Variants in VIT observed in about 807,000 individuals in gnomAD.
VIT encodes vitrin.
A neutral mutation model predicts 78.0 loss-of-function variants in VIT; 99 were observed. The observed-to-expected ratio is 1.27, with a 90% CI of 1.08 to 1.50. The LOEUF (loss-of-function observed/expected upper bound fraction) is 1.50, where lower values mean the gene tolerates loss of function less well. VIT is among the 40% of genes most tolerant of loss of function. VIT has a pLI of 0.00. For missense variants in VIT, 1,126 were observed against 875.3 expected (o/e 1.29, Z -3.61); for synonymous variants, 374 against 334.3 (o/e 1.12, Z -1.29).
In VIT at chr2:36,814,452, A is replaced by T; in HGVS notation, c.*91A>T. On this transcript the variant is annotated 3_prime_UTR_variant, in exon 16 of 16. Transcript: ENST00000379242. ...CTTAATGGGGCACGCACGGTGCATCAAGTCTTGGGCAGGGCATGGAGAAAC... is the reference window on the plus strand; with the variant it reads ...CTTAATGGGGCACGCACGGTGCATCTAGTCTTGGGCAGGGCATGGAGAAAC... The T allele has an allele frequency of 6.8e-7, 1 of 1,467,496 alleles. No homozygotes were observed. The highest frequency in any genetic ancestry group is 1.3e-5 in the South Asian group (1 of 76,212). The allele number at this position is 1,467,496 out of a possible 1,614,324, so 90.9% of individuals were successfully genotyped here. A position where few individuals can be genotyped will look rare whatever the true frequency, so the allele number is the denominator to read the frequency against.
chr2:36,808,966 C>T lies in VIT; in HGVS notation c.1884C>T (p.Ala628=). The part of the protein sequence containing the change: ...GRSYDDVRIP[A]MAAHLKGVIT... ...CCTACGACGACGTCCGGATCCCAGC[C>T]ATGGCTGCCCATCTGAAGGGTAAGC... Residue 628 remains alanine (A), a synonymous_variant, in exon 15 of 16, where the codon GCC becomes GCT. Transcript: ENST00000379242. The T allele has an allele frequency of 6.3e-7, 1 of 1,589,894 alleles. No individual in the cohort carries two copies. The highest frequency in any genetic ancestry group is 2.2e-5 in the East Asian group (1 of 44,584).
At chr2:36,750,119 A>G (rs537913388) in intron 4 of VIT, among the ~76,000 whole-genome samples, 1 of 152,388 alleles carries the variant, frequency 6.6e-6, no homozygotes, top group African/African-American at 2.4e-5. Context: ...CCATAACTCC[A>G]GACTACGGAA....
At chr2:36,801,482 T>C (rs1170142628) in intron 13 of VIT, 78 bp downstream of exon 13, 24 of 1,262,456 alleles carry the variant, frequency 1.9e-5, no homozygotes, top group Non-Finnish European at 2.7e-5. Context: ...AACCATTCTA[T>C]ATAAAAGGAA....
At chr2:36,791,381 C>T (rs188248261) in intron 12 of VIT, among the ~76,000 whole-genome samples, 166 of 152,218 alleles carry the variant, frequency 1.1e-3, no homozygotes, top group African/African-American at 3.8e-3. Flanking sequence ...AGCAAAATGC[C>T]GTGTCTGGTA....
chr2:36,758,102 T>C (rs981808144), intron 5 of VIT, among the ~76,000 whole-genome samples: 1 of 152,234 alleles, frequency 6.6e-6, no homozygotes, highest in Admixed American at 6.5e-5. Flanking sequence ...CTTTCATTAC[T>C]AGATGTAATA....
At position 36,801,309 on chromosome 2, in the gene VIT, C is replaced by G. The variant is rs1468197636; in HGVS notation, c.1067C>G (p.Pro356Arg). The change falls in exon 13 of 16, where the codon CCT becomes CGT. Residue 356 changes from proline (P) to arginine (R), a missense_variant. Physicochemically the swap from Pro to Arg is moderately radical, Grantham distance 103. Coordinates refer to ENST00000379242, the MANE Select transcript of VIT (RefSeq NM_053276.4). ...LMGVVQYGDN[P>R]ATHFNLKTHT... ...TTGTTCTGACTCTTCAGAGACAACCCTGCTACTCACTTTAACCTCAAGACA... is the reference window on the plus strand; with the variant it reads ...TTGTTCTGACTCTTCAGAGACAACCGTGCTACTCACTTTAACCTCAAGACA... The G allele has an allele frequency of 3.1e-6, 5 of 1,613,890 alleles. No individual in the cohort carries two copies. In the African/African-American group the frequency reaches 6.7e-5, roughly 22 times the overall value.
intron 10 of VIT, among the ~76,000 whole-genome samples, chr2:36,782,922 A>G (rs1316627324): frequency 6.6e-6 from 1 of 152,170 alleles, no homozygotes; most frequent in African/African-American, 2.4e-5. Context: ...CATTGTGTCA[A>G]TCACCAAATG....
chr2:36,802,393 G>C (rs771831078), intron 13 of VIT, among the ~76,000 whole-genome samples: 2 of 152,200 alleles, frequency 1.3e-5, no homozygotes, highest in African/African-American at 2.4e-5. Context: ...CAGTTGCTTG[G>C]CTTAGAGTAC....
chr2:36,731,795 T>TA (rs1667225856), intron 3 of VIT, among the ~76,000 whole-genome samples: 1 of 152,226 alleles, frequency 6.6e-6, no homozygotes, highest in South Asian at 2.1e-4. Context: ...AAAAAGGCTT[T>TA]AGATGCAGTC....
Position 36,773,254 on chromosome 2 carries a change from G to A in VIT, c.680-537G>A, listed in dbSNP as rs1669860645. Among the ~76,000 whole-genome samples the A allele has an allele frequency of 2.0e-5, 3 of 152,048 alleles. No individual in the cohort carries two copies. The South Asian group carries it at 6.2e-4, about 32-fold the overall frequency. On this transcript the variant is annotated intron_variant, in intron 7 of 15. Coordinates refer to ENST00000379242, the MANE Select transcript of VIT (RefSeq NM_053276.4). ...CATTTGACTAAAAGATAGATACTTT[G>A]ATAGTTGTGAAATACAAAGGTTATT...
intron 12 of VIT, among the ~76,000 whole-genome samples, 199 bp downstream of exon 12, chr2:36,787,475 G>C (rs1422574260): frequency 6.6e-6 from 1 of 152,202 alleles, no homozygotes; most frequent in African/African-American, 2.4e-5. Flanking sequence ...CCTGAAGGAA[G>C]GGACAGATTA....
intron 1 of VIT, among the ~76,000 whole-genome samples, chr2:36,703,985 C>T (rs1031156811): frequency 6.8e-6 from 1 of 147,418 alleles, no homozygotes; most frequent in Non-Finnish European, 1.5e-5. Flanking sequence ...AGTGCAGTGG[C>T]ACGATCTCGG....
At chr2:36,737,531 G>A (rs1399080010) in intron 3 of VIT, among the ~76,000 whole-genome samples, 1 of 152,096 alleles carries the variant, frequency 6.6e-6, no homozygotes, top group Non-Finnish European at 1.5e-5. Flanking sequence ...CTTAATTTGG[G>A]GTGAAATGTA....
At chr2:36,808,056 T>A (rs1309439525) in intron 14 of VIT, among the ~76,000 whole-genome samples, 3 of 152,244 alleles carry the variant, frequency 2.0e-5, no homozygotes, top group Non-Finnish European at 4.4e-5. Flanking sequence ...TTCTTGTGTA[T>A]GTCATCTCTT....
chr2:36,753,553 C>T (rs1368110835), intron 4 of VIT, among the ~76,000 whole-genome samples: 1 of 152,036 alleles, frequency 6.6e-6, no homozygotes, highest in Non-Finnish European at 1.5e-5. Flanking sequence ...GTTGTGAGAA[C>T]AAGATTCTAA....
chr2:36,807,456 A>T (rs1666814240), intron 14 of VIT, among the ~76,000 whole-genome samples: 1 of 152,212 alleles, frequency 6.6e-6, no homozygotes, highest in Non-Finnish European at 1.5e-5. Context: ...AATTCAGCTC[A>T]AGCTCAGCAC....
intron 14 of VIT, among the ~76,000 whole-genome samples, chr2:36,807,779 T>C (rs940394932): frequency 3.3e-5 from 5 of 152,348 alleles, no homozygotes; most frequent in African/African-American, 4.8e-5. Context: ...TAAATAAATA[T>C]TCATTTGCCT....
intron 12 of VIT, among the ~76,000 whole-genome samples, chr2:36,789,072 T>C (rs1180206627): frequency 6.6e-6 from 1 of 152,232 alleles, no homozygotes; most frequent in Non-Finnish European, 1.5e-5. Context: ...ACGGGGTTCT[T>C]ATTAATTTGG....
intron 3 of VIT, among the ~76,000 whole-genome samples, chr2:36,742,162 C>T (rs931204657): frequency 1.3e-5 from 2 of 152,262 alleles, no homozygotes; most frequent in Non-Finnish European, 2.9e-5. Context: ...TCTAGGGGAC[C>T]TTGGACCTTT....
Sources: allele counts gnomAD v4.1 joint callset (sites outside exome capture counted in the v4.1 genomes callset), GRCh38; gene constraint gnomAD v4.1.1; transcripts MANE v1.5; gene names NCBI Gene and HGNC (gene_info 2026-07-23, HGNC 2026-07-21).